KCNK12: variants seen among roughly 807,000 people sequenced by gnomAD.
KCNK12 encodes the protein potassium two pore domain channel subfamily K member 12.
In KCNK12, 6 loss-of-function variants were observed where a neutral mutation model predicts 25.3. The ratio of observed to expected loss-of-function variants is 0.24; its 90% CI spans 0.13 to 0.47. KCNK12 has a LOEUF of 0.47. Among genes scored for constraint, KCNK12 ranks in the 20% least tolerant of loss-of-function variants. KCNK12 has a pLI of 0.99. For missense variants in KCNK12, 444 were observed against 661.7 expected (o/e 0.67, Z 3.61); for synonymous variants, 331 against 311.1 (o/e 1.06, Z -0.67).
chr2:47,513,716 T>C lies in KCNK12; in HGVS notation c.*7191A>G, dbSNP rs1190067134. Among the ~76,000 whole-genome samples the C allele has an allele frequency of 1.3e-5, 2 of 152,142 alleles. No individual in the cohort carries two copies. The highest frequency in any genetic ancestry group is 2.9e-5 in the Non-Finnish European group (2 of 68,010). ...CACCTCTTCTGTTCCTCCTCCTGGG[T>C]TCCCAGGCTCAGTGGTGGCACCACT... On this transcript the variant is annotated 3_prime_UTR_variant, in exon 2 of 2. Coordinates refer to ENST00000327876, the MANE Select transcript of KCNK12 (RefSeq NM_022055.2).
In KCNK12 at chr2:47,540,678, C is replaced by T. The variant is rs899209175; in HGVS notation, c.392-18870G>A. On this transcript the variant is annotated intron_variant, in intron 1 of 1. Transcript: ENST00000327876. This position sits in a 1 kb window ranked among gnomAD's most constrained non-coding sequence, Gnocchi z 5.4. The stretch of plus-strand genomic sequence containing the variant: ...CGGTGGCTTATGCCTGTCATGCCAG[C>T]ACTTTGGGAGGCCAAGGCAGGGGGA... Among the ~76,000 whole-genome samples the T allele has an allele frequency of 6.6e-6, 1 of 152,174 alleles. No homozygotes were observed. Among genetic ancestry groups the T allele is most frequent in the Admixed American group, 6.5e-5 (1 of 15,284 alleles).
chr2:47,520,832 G>A lies in KCNK12; in HGVS notation c.*75C>T. ...GATAAAGATTAAGAAAGCGCCAGCA[G>A]TGACTGAGAGAAGCAAACCACGCCC... On this transcript the variant is annotated 3_prime_UTR_variant, in exon 2 of 2. Transcript: ENST00000327876. This position sits in a 1 kb window ranked among gnomAD's most constrained non-coding sequence, Gnocchi z 5.0. 9.7e-7 allele frequency: 1 copy of A among 1,029,102 alleles called. No individual in the cohort carries two copies. The highest frequency in any genetic ancestry group is 1.2e-6 in the Non-Finnish European group (1 of 801,010). 63.7% of individuals were successfully genotyped at this position (1,029,102 alleles called of 1,614,324 possible).
intron 1 of KCNK12, chr2:47,564,413 C>T (rs1254530825): frequency 4.4e-6 from 1 of 225,420 alleles, no homozygotes; most frequent in Admixed American, 5.7e-5. Context: ...TGTGTCATTA[C>T]TCAAAATAGC....
Position 47,562,826 on chromosome 2 carries a change from T to C in KCNK12, c.391+7115A>G. 4.3e-6 allele frequency: 1 copy of C among 233,066 alleles called. No homozygotes were observed. The highest frequency in any genetic ancestry group is 8.5e-6 in the Non-Finnish European group (1 of 117,960). 14.4% of individuals were successfully genotyped at this position (233,066 alleles called of 1,614,324 possible). On this transcript the variant is annotated intron_variant, in intron 1 of 1. Coordinates refer to ENST00000327876, the MANE Select transcript of KCNK12 (RefSeq NM_022055.2). This position sits in a 1 kb window ranked among gnomAD's most constrained non-coding sequence, Gnocchi z 4.8. ...AGAAACTCTGCAGAGAGTATGACCG[T>C]GTCTCTTAAAAAAACTTTGGTGAGG... is the stretch of plus-strand genomic sequence containing the variant.
chr2:47,526,469 C>G (rs1367068945), intron 1 of KCNK12, among the ~76,000 whole-genome samples: 1 of 147,300 alleles, frequency 6.8e-6, no homozygotes, highest in Non-Finnish European at 1.5e-5. Context: ...TGGTGGCTCA[C>G]GCCTGTAATC....
intron 1 of KCNK12, among the ~76,000 whole-genome samples, chr2:47,546,997 G>T (rs1312204080): frequency 6.6e-6 from 1 of 152,090 alleles, no homozygotes; most frequent in East Asian, 1.9e-4. Flanking sequence ...ATAGATAATG[G>T]GTAGCTGCCC....
rs1421171686 is a variant in KCNK12 at position 47,569,300 on chromosome 2, T to A, written c.391+641A>T. Among the ~76,000 whole-genome samples, 1 of 151,416 alleles carries A rather than the reference T, an allele frequency of 6.6e-6. No individual in the cohort carries two copies. Among genetic ancestry groups the A allele is most frequent in the South Asian group, 2.1e-4 (1 of 4,776 alleles). ...AGAAATTGGAGAAGGGGCTGGGAGC[T>A]GGGGGAGAACACAAGGAAGGGAGGC... On this transcript the variant is annotated intron_variant, in intron 1 of 1. Coordinates refer to ENST00000327876, the MANE Select transcript of KCNK12 (RefSeq NM_022055.2). This position sits in a 1 kb window ranked among gnomAD's most constrained non-coding sequence, Gnocchi z 4.1.
chr2:47,521,331 C>G lies in KCNK12; in HGVS notation c.869G>C (p.Cys290Ser), dbSNP rs201730263. The G allele has an allele frequency of 6.2e-7, 1 of 1,613,578 alleles. No homozygotes were observed. Among genetic ancestry groups the G allele is most frequent in the African/African-American group, 1.3e-5 (1 of 75,046 alleles). Residue 290 changes from cysteine (C) to serine (S), a missense_variant, in exon 2 of 2, where the codon TGC (cysteine) becomes TCC (serine). Coordinates refer to ENST00000327876, the MANE Select transcript of KCNK12 (RefSeq NM_022055.2). ...NFLFILLGVC[C>S]IYSLFNVISI... ...GATGACGTTGAAGAGCGAGTAAATG[C>G]AGCACACGCCGAGCAGGATGAAGAG...
In KCNK12 at chr2:47,532,530, G is replaced by GTTGCTTTGTTGTTGT. The variant is rs1558552104; in HGVS notation, c.392-10723_392-10722insACAACAACAAAGCAA. Among the ~76,000 whole-genome samples the GTTGCTTTGTTGTTGT allele has an allele frequency of 7.2e-5, 11 of 152,102 alleles. No homozygotes were observed. In the East Asian group the frequency reaches 2.1e-3, roughly 29 times the overall value. On this transcript the variant is annotated intron_variant, in intron 1 of 1. Transcript: ENST00000327876. The stretch of plus-strand genomic sequence containing the variant: ...GCACCCACCACCACACCTGGCAACC[G>GTTGCTTTGTTGTTGT]TTCTTTTGTTGCTTTGTCTTTCATT...
Position 47,533,815 on chromosome 2 carries a change from G to A in KCNK12, c.392-12007C>T, listed in dbSNP as rs1668990366. Among the ~76,000 whole-genome samples, 1 of 152,184 alleles carries A rather than the reference G, an allele frequency of 6.6e-6. No homozygotes were observed. The highest frequency in any genetic ancestry group is 6.5e-5 in the Admixed American group (1 of 15,278). On this transcript the variant is annotated intron_variant, in intron 1 of 1. Coordinates refer to ENST00000327876, the MANE Select transcript of KCNK12 (RefSeq NM_022055.2). This position sits in a 1 kb window ranked among gnomAD's most constrained non-coding sequence, Gnocchi z 4.7. ...GTTTGTCTGATTTGCAGAGCTGGAT[G>A]GACTGCTCCCTGAGGACAGAAGCTC...
At position 47,518,478 on chromosome 2, in the gene KCNK12, G is replaced by C. The variant is rs1256514776; in HGVS notation, c.*2429C>G. Reference sequence around the variant, plus strand: ...AGGAAAACAAGTAAAAACAGCTGAGGCTGCAGCATAAGCAACTTAGGATAG... The same window carrying C: ...AGGAAAACAAGTAAAAACAGCTGAGCCTGCAGCATAAGCAACTTAGGATAG... On this transcript the variant is annotated 3_prime_UTR_variant, in exon 2 of 2. Transcript: ENST00000327876. The surrounding 1 kb of genome is among the most constrained non-coding windows in gnomAD (Gnocchi z 4.1). 1 of 152,192 alleles carries C rather than the reference G, an allele frequency of 6.6e-6. No individual in the cohort carries two copies. Among genetic ancestry groups the C allele is most frequent in the Non-Finnish European group, 1.5e-5 (1 of 68,040 alleles). The allele number at this position is 152,192 out of a possible 1,614,324, so 9.4% of individuals were successfully genotyped here.
chr2:47,548,025 A>C lies in KCNK12; in HGVS notation c.391+21916T>G, dbSNP rs1302340124. The stretch of plus-strand genomic sequence containing the variant: ...AGTTCTCATGAGATCTGGTTGTTTA[A>C]AAGTGTGTAGCACCTTCCCCTTTGC... On this transcript the variant is annotated intron_variant, in intron 1 of 1. Transcript: ENST00000327876. The surrounding 1 kb of genome is among the most constrained non-coding windows in gnomAD (Gnocchi z 4.4). 6.6e-6 allele frequency among the ~76,000 whole-genome samples: 1 copy of C among 152,046 alleles called. No homozygotes were observed. Among genetic ancestry groups the C allele is most frequent in the East Asian group, 1.9e-4 (1 of 5,186 alleles).
At chr2:47,553,821 G>A (rs1453199756) in intron 1 of KCNK12, among the ~76,000 whole-genome samples, 1 of 152,158 alleles carries the variant, frequency 6.6e-6, no homozygotes, top group Non-Finnish European at 1.5e-5. Context: ...GCTTAAGGCA[G>A]GCTGGTCCTG....
At chr2:47,531,007 A>G (rs1383210015) in intron 1 of KCNK12, among the ~76,000 whole-genome samples, 3 of 152,352 alleles carry the variant, frequency 2.0e-5, no homozygotes, top group Non-Finnish European at 1.5e-5. Context: ...GCTTTTGGCA[A>G]GAGCAGCAAT....
At chr2:47,539,486 G>GTTT (rs1669147188) in intron 1 of KCNK12, among the ~76,000 whole-genome samples, 2 of 152,172 alleles carry the variant, frequency 1.3e-5, no homozygotes, top group Admixed American at 1.3e-4. Flanking sequence ...GCCCAGACCA[G>GTTT]GAGAGTAGCC....
In KCNK12 at chr2:47,562,674, G is replaced by T; in HGVS notation, c.391+7267C>A. The T allele has an allele frequency of 1.3e-5, 3 of 233,254 alleles. No homozygotes were observed. The highest frequency in any genetic ancestry group is 1.7e-5 in the Non-Finnish European group (2 of 118,052). The allele number at this position is 233,254 out of a possible 1,614,324, so 14.4% of individuals were successfully genotyped here. A position where few individuals can be genotyped will look rare whatever the true frequency, so the allele number is the denominator to read the frequency against. ...TGGTAGCCAAGAGTTGGCTTAGGGT[G>T]AGAGCCAAGGGGCTTCAGTACCCTT... On this transcript the variant is annotated intron_variant, in intron 1 of 1. Coordinates refer to ENST00000327876, the MANE Select transcript of KCNK12 (RefSeq NM_022055.2). The surrounding 1 kb of genome is among the most constrained non-coding windows in gnomAD (Gnocchi z 4.8).
At chr2:47,532,780 A>G (rs1384920203) in intron 1 of KCNK12, among the ~76,000 whole-genome samples, 3 of 152,160 alleles carry the variant, frequency 2.0e-5, no homozygotes, top group Non-Finnish European at 4.4e-5. Context: ...CCTGCTCTGT[A>G]GAAACTTCTA....
At chr2:47,549,663 C>T (rs377370659) in intron 1 of KCNK12, among the ~76,000 whole-genome samples, 82 of 152,156 alleles carry the variant, frequency 5.4e-4, no homozygotes, top group African/African-American at 1.9e-3. Context: ...GGGCTGGGTG[C>T]GGTGGCTCAC....
chr2:47,570,246 C>A lies in KCNK12; in HGVS notation c.86G>T (p.Arg29Leu). 6.9e-7 allele frequency: 1 copy of A among 1,455,102 alleles called. No individual in the cohort carries two copies. Among genetic ancestry groups the A allele is most frequent in the Non-Finnish European group, 9.1e-7 (1 of 1,103,766 alleles). 90.1% of individuals were successfully genotyped at this position (1,455,102 alleles called of 1,614,324 possible). A position where few individuals can be genotyped will look rare whatever the true frequency, so the allele number is the denominator to read the frequency against. ...RPSCCCCCCR[R>L]SHLNEDTGRF... is the part of the protein sequence containing the mutation. ...GCCGGTGTCCTCGTTGAGGTGCGAA[C>A]GGCGGCAGCAGCAGCAGCAGCAGGA... is the stretch of plus-strand genomic sequence containing the variant. The change falls in exon 1 of 2, where the codon CGT becomes CTT. Residue 29 changes from arginine (R) to leucine (L), a missense_variant. Physicochemically the swap from Arg to Leu is moderately radical, Grantham distance 102. Around this residue, in one of 8 missense-constraint regions of KCNK12, gnomAD observed 67 missense variants for 59.2 expected, o/e 1.13. Coordinates refer to ENST00000327876, the MANE Select transcript of KCNK12 (RefSeq NM_022055.2).
Sources: gnomAD v4.1 joint callset for allele counts (sites outside exome capture counted in the v4.1 genomes callset) on GRCh38, gnomAD v4.1.1 for gene constraint, gnomAD v4.1.1 regional missense constraint, Gnocchi (gnomAD v3.1) non-coding constraint, MANE v1.5 for transcripts, NCBI Gene and HGNC (gene_info 2026-07-23, HGNC 2026-07-21) for gene names.